Variants in GPC5 observed in about 807,000 individuals in gnomAD.
GPC5 encodes the protein glypican 5, also known as glypican-5.
Under a neutral mutation model 53.9 loss-of-function variants are expected in GPC5, and 47 were observed. That is an observed-to-expected ratio of 0.87 (90% CI 0.69 to 1.11). The LOEUF (loss-of-function observed/expected upper bound fraction) is 1.11. Ranked by LOEUF, GPC5 falls within the 50% of genes most tolerant of loss-of-function variation. The probability of loss-of-function intolerance (pLI) is 0.00; values close to 1 mark genes in which losing one functional copy is unlikely to be tolerated. For missense variants in GPC5, 748 were observed against 713.1 expected (o/e 1.05, Z -0.56); for synonymous variants, 286 against 263.3 (o/e 1.09, Z -0.84).
intron 7 of GPC5, among the ~76,000 whole-genome samples, chr13:92,649,659 T>G (rs1885890573): frequency 6.6e-6 from 1 of 152,064 alleles, no homozygotes; most frequent in Non-Finnish European, 1.5e-5. Flanking sequence ...CTGATATGAA[T>G]CAAGAAATTT....
At chr13:91,936,208 T>C (rs568142351) in intron 6 of GPC5, among the ~76,000 whole-genome samples, 1 of 152,156 alleles carries the variant, frequency 6.6e-6, no homozygotes, top group South Asian at 2.1e-4. Flanking sequence ...CCAATAAACC[T>C]AGGTCACAAG....
At chr13:92,148,214 T>C (rs1352667794) in intron 7 of GPC5, among the ~76,000 whole-genome samples, 1 of 152,090 alleles carries the variant, frequency 6.6e-6, no homozygotes, top group African/African-American at 2.4e-5. Context: ...TGAAATTTCA[T>C]GATTCTGCCC....
chr13:91,769,524 C>T lies in GPC5; in HGVS notation c.1280+13104C>T, dbSNP rs566846953. Among the ~76,000 whole-genome samples, 11 of 152,200 alleles carry T rather than the reference C, an allele frequency of 7.2e-5. No homozygotes were observed. In the South Asian group the frequency reaches 1.7e-3, roughly 23 times the overall value. On this transcript the variant is annotated intron_variant, in intron 5 of 7. Transcript: ENST00000377067. The stretch of plus-strand genomic sequence containing the variant: ...AGGAAAACCTTCTCTGGGGAAATCA[C>T]ATTTAGGCTGAATATGTGGAAAGAT...
At chr13:91,856,083 A>G (rs1053790727) in intron 5 of GPC5, among the ~76,000 whole-genome samples, 1 of 151,486 alleles carries the variant, frequency 6.6e-6, no homozygotes, top group Non-Finnish European at 1.5e-5. Flanking sequence ...TTTTATATAT[A>G]TTCTTGAGAT....
At chr13:92,010,397 C>G (rs965971051) in intron 6 of GPC5, among the ~76,000 whole-genome samples, 1 of 151,930 alleles carries the variant, frequency 6.6e-6, no homozygotes, top group Admixed American at 6.6e-5. Flanking sequence ...GTTGACTGAG[C>G]AAATAAATGA....
At chr13:92,258,858 G>T (rs1483884862) in intron 7 of GPC5, among the ~76,000 whole-genome samples, 2 of 152,182 alleles carry the variant, frequency 1.3e-5, no homozygotes, top group Non-Finnish European at 2.9e-5. Context: ...CAGGAGGACT[G>T]CTGAAAGCCA....
intron 7 of GPC5, among the ~76,000 whole-genome samples, chr13:92,842,369 T>C (rs1424053122): frequency 6.6e-6 from 1 of 152,096 alleles, no homozygotes. Context: ...TGTGAAATAA[T>C]AGTCCAGATG....
intron 7 of GPC5, among the ~76,000 whole-genome samples, chr13:92,695,420 G>A (rs1364736709): frequency 6.6e-6 from 1 of 152,046 alleles, no homozygotes; most frequent in East Asian, 1.9e-4. Flanking sequence ...AGTCCTGATG[G>A]CATTGTGTTT....
At chr13:91,828,609 A>G (rs1399935748) in intron 5 of GPC5, among the ~76,000 whole-genome samples, 4 of 151,952 alleles carry the variant, frequency 2.6e-5, no homozygotes, top group Admixed American at 2.0e-4. Flanking sequence ...TGCCTAGAAT[A>G]TTTTTTTCCA....
intron 2 of GPC5, among the ~76,000 whole-genome samples, chr13:91,456,665 AT>A (rs1466890348): frequency 2.6e-5 from 4 of 152,012 alleles, no homozygotes; most frequent in Non-Finnish European, 5.9e-5. Flanking sequence ...TCATTTTGTA[AT>A]TCAATATTTA....
At chr13:92,812,423 G>C (rs1208225337) in intron 7 of GPC5, among the ~76,000 whole-genome samples, 1 of 151,544 alleles carries the variant, frequency 6.6e-6, no homozygotes, top group African/African-American at 2.4e-5. Context: ...CATAAAAATA[G>C]AACAAAGAAA....
chr13:92,375,675 G>C (rs919094197), intron 7 of GPC5, among the ~76,000 whole-genome samples: 2 of 152,090 alleles, frequency 1.3e-5, no homozygotes, highest in Non-Finnish European at 2.9e-5. Flanking sequence ...AAATCTACAG[G>C]GCAGGCTGTC....
chr13:91,689,785 C>A, intron 2 of GPC5, among the ~76,000 whole-genome samples: 1 of 152,064 alleles, frequency 6.6e-6, no homozygotes, highest in East Asian at 1.9e-4. Flanking sequence ...ATGGAGATGT[C>A]ATCTCCTGTG....
intron 4 of GPC5, among the ~76,000 whole-genome samples, chr13:91,753,234 G>T (rs1455880580): frequency 6.6e-6 from 1 of 152,186 alleles, no homozygotes. Flanking sequence ...GCTAGAAAGT[G>T]ATGTGTGCCT....
intron 7 of GPC5, among the ~76,000 whole-genome samples, chr13:92,295,029 C>A (rs889742570): frequency 6.6e-6 from 1 of 151,782 alleles, no homozygotes; most frequent in Non-Finnish European, 1.5e-5. Context: ...GAGGTTTCAC[C>A]ATGTTGGCCA....
At chr13:92,257,588 C>T (rs1174958623) in intron 7 of GPC5, among the ~76,000 whole-genome samples, 3 of 94,068 alleles carry the variant, frequency 3.2e-5, no homozygotes, top group African/African-American at 6.0e-5. Flanking sequence ...TCTCACTCTG[C>T]CTCCCAGACT....
At chr13:92,814,949 CCA>C (rs1877417460) in intron 7 of GPC5, among the ~76,000 whole-genome samples, 1 of 151,754 alleles carries the variant, frequency 6.6e-6, no homozygotes, top group Non-Finnish European at 1.5e-5. Context: ...AAATCGCAAA[CCA>C]CATTTTGAAA....
At chr13:92,368,398 C>T (rs1372902513) in intron 7 of GPC5, among the ~76,000 whole-genome samples, 1 of 151,244 alleles carries the variant, frequency 6.6e-6, no homozygotes, top group Non-Finnish European at 1.5e-5. Context: ...AATCCCATCA[C>T]TTTGGGAGGC....
At chr13:91,427,252 C>A (rs1879124389) in intron 1 of GPC5, among the ~76,000 whole-genome samples, 1 of 152,194 alleles carries the variant, frequency 6.6e-6, no homozygotes, top group Non-Finnish European at 1.5e-5. Context: ...TGACAACTTG[C>A]ACCATGAGCC....
Sources: allele counts gnomAD v4.1 joint callset (sites outside exome capture counted in the v4.1 genomes callset), GRCh38; gene constraint gnomAD v4.1.1; transcripts MANE v1.5; gene names NCBI Gene and HGNC (gene_info 2026-07-23, HGNC 2026-07-21).